RBFOX1: variants seen among roughly 807,000 people sequenced by gnomAD.
RBFOX1 encodes RNA binding protein fox-1 homolog 1.
RBFOX1 carries 8 observed loss-of-function variants against 57.7 expected under a neutral mutation model. The ratio of observed to expected loss-of-function variants is 0.14; its 90% confidence interval spans 0.08 to 0.25. RBFOX1 has a LOEUF of 0.25. Ranked by LOEUF, RBFOX1 falls within the 10% of genes least tolerant of loss-of-function variation. RBFOX1 has a pLI of 1.00. For synonymous variants in RBFOX1, 326 were observed against 222.4 expected (o/e 1.47, Z -4.15); for missense variants, 611 against 548.5 (o/e 1.11, Z -1.14).
intron 4 of RBFOX1, among the ~76,000 whole-genome samples, chr16:7,186,865 A>T (rs1236915864): frequency 6.6e-6 from 1 of 151,540 alleles, no homozygotes; most frequent in Non-Finnish European, 1.5e-5. Context: ...TTTTTAAAAT[A>T]TAGCTCTCTA....
intron 1 of RBFOX1, among the ~76,000 whole-genome samples, chr16:5,391,347 A>G (rs1046306314): frequency 6.6e-6 from 1 of 151,988 alleles, no homozygotes; most frequent in Admixed American, 6.6e-5. Context: ...GGGAGAATCC[A>G]TTTCCTTCCA....
chr16:6,967,955 A>T (rs187303703), intron 3 of RBFOX1, among the ~76,000 whole-genome samples: 37 of 152,206 alleles, frequency 2.4e-4, no homozygotes, highest in Admixed American at 3.9e-4. Context: ...AAGGATAAAA[A>T]CGCTCGGGGA....
chr16:5,514,214 A>G (rs1011274828), intron 2 of RBFOX1, among the ~76,000 whole-genome samples: 5 of 152,138 alleles, frequency 3.3e-5, no homozygotes, highest in African/African-American at 4.8e-5. Context: ...GCCCTCTCGT[A>G]TGTCTGAGGG....
intron 4 of RBFOX1, among the ~76,000 whole-genome samples, chr16:7,286,929 C>G (rs1216866987): frequency 6.6e-6 from 1 of 152,020 alleles, no homozygotes; most frequent in South Asian, 2.1e-4. Flanking sequence ...ATGCCTGGCC[C>G]TGGGCTTCAA....
At chr16:6,273,601 C>T (rs575447717) in intron 1 of RBFOX1, among the ~76,000 whole-genome samples, 2 of 152,044 alleles carry the variant, frequency 1.3e-5, no homozygotes, top group Admixed American at 1.3e-4. Flanking sequence ...CCGCCTCGGC[C>T]CCCCAAAGTG....
rs765051747 is a variant in RBFOX1 at position 7,099,856 on chromosome 16, C to T, written c.27+47758C>T. ...TTATGGAGACCTAGGTTTTATCGTG[C>T]GGTTACAGCCTCTAAGTAGCAGGTT... On this transcript the variant is annotated intron_variant, in intron 4 of 15. Transcript: ENST00000550418. Among the ~76,000 whole-genome samples the T allele has an allele frequency of 8.5e-5, 13 of 152,124 alleles. 1 individual carries two copies. Among genetic ancestry groups the T allele is most frequent in the Non-Finnish European group, 1.8e-4 (12 of 67,984 alleles).
At chr16:7,357,719 G>A in intron 4 of RBFOX1, among the ~76,000 whole-genome samples, 1 of 152,152 alleles carries the variant, frequency 6.6e-6, no homozygotes, top group East Asian at 1.9e-4. Flanking sequence ...ATGCTCAGAG[G>A]AGACCAGGCT....
chr16:6,633,331 G>A (rs2098405276), intron 2 of RBFOX1, among the ~76,000 whole-genome samples: 1 of 152,150 alleles, frequency 6.6e-6, no homozygotes, highest in Non-Finnish European at 1.5e-5. Context: ...AGGCTGGAAT[G>A]CAGCGGCACG....
At chr16:6,649,529 C>T (rs1019123809) in intron 2 of RBFOX1, among the ~76,000 whole-genome samples, 1 of 152,170 alleles carries the variant, frequency 6.6e-6, no homozygotes, top group Non-Finnish European at 1.5e-5. Context: ...CGACACTTTC[C>T]CCTGAGTCCG....
intron 3 of RBFOX1, among the ~76,000 whole-genome samples, chr16:6,965,585 A>C (rs565868491): frequency 2.6e-5 from 4 of 152,102 alleles, no homozygotes; most frequent in Admixed American, 6.5e-5. Flanking sequence ...GATCTCCCCA[A>C]CTTGGCTTCC....
At chr16:7,240,556 TTTTG>T (rs1026575647) in intron 4 of RBFOX1, among the ~76,000 whole-genome samples, 6 of 151,958 alleles carry the variant, frequency 3.9e-5, no homozygotes, top group East Asian at 1.9e-4. Flanking sequence ...GTTTGTTTGT[TTTTG>T]TTTGTTTGTT....
At chr16:7,391,091 T>A (rs974632553) in intron 4 of RBFOX1, among the ~76,000 whole-genome samples, 1 of 152,164 alleles carries the variant, frequency 6.6e-6, no homozygotes, top group Non-Finnish European at 1.5e-5. Context: ...ATAGCTCTTA[T>A]CCTTAACTGA....
At chr16:5,857,384 C>G (rs117832950) in intron 3 of RBFOX1, among the ~76,000 whole-genome samples, 89 of 152,066 alleles carry the variant, frequency 5.9e-4, no homozygotes, top group Non-Finnish European at 9.7e-4. Flanking sequence ...CAAAATGTGC[C>G]ACAGAGACAT....
At chr16:6,121,145 C>G (rs961002027) in intron 1 of RBFOX1, among the ~76,000 whole-genome samples, 9 of 152,136 alleles carry the variant, frequency 5.9e-5, no homozygotes, top group Non-Finnish European at 1.3e-4. Flanking sequence ...CCTGTATGTC[C>G]AGGCACAGCC....
chr16:6,043,146 A>AAAAAAG (rs2095458229), intron 1 of RBFOX1, among the ~76,000 whole-genome samples: 1 of 112,446 alleles, frequency 8.9e-6, no homozygotes, highest in Non-Finnish European at 1.9e-5. Context: ...AAAAAAAAAA[A>AAAAAAG]AAAAAAAAAA....
chr16:6,807,894 T>G (rs8045166), intron 3 of RBFOX1, among the ~76,000 whole-genome samples: 82,986 of 150,276 alleles, frequency 0.55, 23,237 homozygotes, highest in African/African-American at 0.6. Flanking sequence ...GAATATATAT[T>G]ATTGTGTGTG....
chr16:6,895,584 A>ATT (rs970874563), intron 3 of RBFOX1, among the ~76,000 whole-genome samples: 1 of 150,788 alleles, frequency 6.6e-6, no homozygotes, highest in African/African-American at 2.4e-5. Context: ...TGTTCAGAAA[A>ATT]TTTTTTTAAA....
At chr16:6,850,375 A>G (rs11862713) in intron 3 of RBFOX1, among the ~76,000 whole-genome samples, 3,502 of 152,260 alleles carry the variant, frequency 0.023, 134 homozygotes, top group African/African-American at 0.078. Context: ...AGAGAACCCT[A>G]CTTAGGTAGG....
At chr16:5,879,703 C>T (rs1451572450) in intron 4 of RBFOX1, among the ~76,000 whole-genome samples, 1 of 152,166 alleles carries the variant, frequency 6.6e-6, no homozygotes, top group Non-Finnish European at 1.5e-5. Context: ...CATGAAATCT[C>T]AATGGCCTAC....
Sources: allele counts gnomAD v4.1 joint callset (sites outside exome capture counted in the v4.1 genomes callset), GRCh38; gene constraint gnomAD v4.1.1; transcripts MANE v1.5; gene names NCBI Gene and HGNC (gene_info 2026-07-23, HGNC 2026-07-21).